Variants in SCAMP1 observed in about 807,000 individuals in gnomAD.
The protein encoded by SCAMP1 is secretory carrier membrane protein 1, also known as secretory carrier-associated membrane protein 1.
A neutral mutation model predicts 41.8 loss-of-function variants in SCAMP1; 15 were observed. The ratio of observed to expected loss-of-function variants is 0.36; its 90% CI spans 0.24 to 0.55. The LOEUF is 0.55. SCAMP1 is among the 20% of genes least tolerant of loss of function. The pLI, the probability that SCAMP1 is intolerant of heterozygous loss-of-function variation, is 0.86. For missense variants in SCAMP1, 341 were observed against 412.6 expected, an observed-to-expected ratio of 0.83 and a Z score of 1.50; for synonymous variants, 135 against 136.8, an observed-to-expected ratio of 0.99 and a Z score of 0.09.
intron 2 of SCAMP1, among the ~76,000 whole-genome samples, chr5:78,397,129 GGCATAGACATGCA>G (rs1418068161): frequency 6.6e-6 from 1 of 152,108 alleles, no homozygotes; most frequent in Non-Finnish European, 1.5e-5. Flanking sequence ...ATATGGTACT[GGCATAGACATGCA>G]AATCAGTGGA....
intron 4 of SCAMP1, among the ~76,000 whole-genome samples, chr5:78,416,947 G>T (rs1277860372): frequency 6.6e-6 from 1 of 152,098 alleles, no homozygotes; most frequent in East Asian, 1.9e-4. Flanking sequence ...CTGCAGTTAG[G>T]CCCTCCTTGG....
chr5:78,394,316 A>C (rs1751590870), intron 2 of SCAMP1, among the ~76,000 whole-genome samples: 1 of 152,154 alleles, frequency 6.6e-6, no homozygotes, highest in Non-Finnish European at 1.5e-5. Flanking sequence ...CAAACCATAT[A>C]ACCTCTTCGA....
chr5:78,465,743 A>G (rs1345651910), intron 8 of SCAMP1, among the ~76,000 whole-genome samples: 1 of 152,176 alleles, frequency 6.6e-6, no homozygotes, highest in Non-Finnish European at 1.5e-5. Flanking sequence ...AAGAATGAAA[A>G]GGTTAATTGC....
chr5:78,360,752 C>G, intron 1 of SCAMP1, 24 bp downstream of exon 1: 1 of 1,597,162 alleles, frequency 6.3e-7, no homozygotes, highest in East Asian at 2.3e-5. Context: ...CCAGCATCTC[C>G]TGCCGCCGCG....
chr5:78,469,470 T>A (rs1190252816), intron 8 of SCAMP1, among the ~76,000 whole-genome samples: 4 of 150,914 alleles, frequency 2.7e-5, no homozygotes, highest in Non-Finnish European at 5.9e-5. Flanking sequence ...CTTAGTATAT[T>A]CACCAAAAAA....
chr5:78,410,636 ATTTATATTCC>A (rs1237228840), intron 2 of SCAMP1, among the ~76,000 whole-genome samples: 1 of 152,122 alleles, frequency 6.6e-6, no homozygotes, highest in Non-Finnish European at 1.5e-5. Flanking sequence ...TAGTAGAATG[ATTTATATTCC>A]TTTGGGTATT....
At chr5:78,423,012 GCGCGCACACACACA>G (rs1364767592) in intron 6 of SCAMP1, among the ~76,000 whole-genome samples, 3,922 of 150,906 alleles carry the variant, frequency 0.026, 145 homozygotes, top group African/African-American at 0.078. Context: ...ACACACGCGC[GCGCGCACACACACA>G]CACACACACA....
chr5:78,470,291 C>T (rs932710641), intron 8 of SCAMP1, among the ~76,000 whole-genome samples: 1 of 152,086 alleles, frequency 6.6e-6, no homozygotes, highest in South Asian at 2.1e-4. Flanking sequence ...CAGAACTTTG[C>T]ATCACCCCAA....
intron 2 of SCAMP1, among the ~76,000 whole-genome samples, chr5:78,392,459 A>G (rs573164618): frequency 4.6e-5 from 7 of 152,358 alleles, no homozygotes; most frequent in Admixed American, 2.0e-4. Flanking sequence ...TCTTTGAAAG[A>G]TTTCTCACCT....
rs779350033 is a variant in SCAMP1 at position 78,459,407 on chromosome 5, A to C, written c.852+45A>C. The C allele has an allele frequency of 3.2e-6, 3 of 937,792 alleles. No individual in the cohort carries two copies. The Admixed American group carries it at 6.6e-5, about 21-fold the overall frequency. The allele number at this position is 937,792 out of a possible 1,614,324, so 58.1% of individuals were successfully genotyped here. On this transcript the variant is annotated intron_variant, in intron 8 of 8. Coordinates refer to ENST00000621999, the MANE Select transcript of SCAMP1 (RefSeq NM_004866.6). ...TAAATTTTTATAGTGAACGTGATGT[A>C]AAGTTCTCATTTTCCTATTTTGCTA...
chr5:78,454,120 G>A lies in SCAMP1; in HGVS notation c.734+4086G>A, dbSNP rs376962537. ...GGTTTTCTAGATATACAATCATGTC[G>A]TCTGCAAACAGGGACAATTTGACTT... is the stretch of plus-strand genomic sequence containing the variant. On this transcript the variant is annotated intron_variant, in intron 7 of 8. Transcript: ENST00000621999. Among the ~76,000 whole-genome samples the A allele has an allele frequency of 3.2e-3, 492 of 152,188 alleles. 13 individuals carry two copies. The South Asian group carries it at 0.073, about 23-fold the overall frequency.
rs59667589 is a variant in SCAMP1 at position 78,443,902 on chromosome 5, C to A, written c.633-6031C>A. On this transcript the variant is annotated intron_variant, in intron 6 of 8. Transcript: ENST00000621999. The stretch of plus-strand genomic sequence containing the variant: ...GAACTCCTGAGCTCAAGCGAACCTC[C>A]CACCTTGGCTCCTAAAGTTCTAGGA... Among the ~76,000 whole-genome samples the A allele has an allele frequency of 7.4e-3, 1,126 of 152,084 alleles. 16 individuals carry two copies. Among genetic ancestry groups the A allele is most frequent in the African/African-American group, 0.025 (1,042 of 41,496 alleles).
At chr5:78,460,812 C>CTTTCTTTCTTT (rs1211929705) in intron 8 of SCAMP1, among the ~76,000 whole-genome samples, 1 of 25,472 alleles carries the variant, frequency 3.9e-5, no homozygotes, top group African/African-American at 9.0e-5. Flanking sequence ...TTCCTCCCTT[C>CTTTCTTTCTTT]CTTCCTTCCT....
intron 6 of SCAMP1, among the ~76,000 whole-genome samples, chr5:78,444,115 G>T (rs1170295731): frequency 6.6e-6 from 1 of 152,154 alleles, no homozygotes; most frequent in Non-Finnish European, 1.5e-5. Context: ...TCTGGAGAAA[G>T]AATTCATTTC....
intron 1 of SCAMP1, among the ~76,000 whole-genome samples, chr5:78,384,236 G>C: frequency 8.2e-6 from 1 of 121,956 alleles, no homozygotes; most frequent in South Asian, 2.7e-4. Context: ...TTGATTCTTA[G>C]ATTGGTTGCT....
intron 1 of SCAMP1, among the ~76,000 whole-genome samples, chr5:78,382,690 T>A (rs1489387366): frequency 6.6e-6 from 1 of 152,172 alleles, no homozygotes; most frequent in Non-Finnish European, 1.5e-5. Context: ...CCTCAGTTAC[T>A]TCACTTAGAA....
intron 1 of SCAMP1, among the ~76,000 whole-genome samples, chr5:78,384,620 G>T (rs565039146): frequency 6.6e-6 from 1 of 151,978 alleles, no homozygotes; most frequent in Non-Finnish European, 1.5e-5. Flanking sequence ...TTACCTTAAG[G>T]TATGTCCCTT....
At chr5:78,422,321 T>G (rs891186547) in intron 6 of SCAMP1, among the ~76,000 whole-genome samples, 59 of 137,572 alleles carry the variant, frequency 4.3e-4, no homozygotes, top group African/African-American at 1.7e-3. Context: ...GCTTATGGTT[T>G]TTTTTTTTTT....
At chr5:78,362,062 A>G (rs1429351586) in intron 1 of SCAMP1, among the ~76,000 whole-genome samples, 1 of 151,888 alleles carries the variant, frequency 6.6e-6, no homozygotes, top group Non-Finnish European at 1.5e-5. Context: ...TGTACCTTTC[A>G]GTGACATGGT....
Sources: allele counts gnomAD v4.1 joint callset (sites outside exome capture counted in the v4.1 genomes callset), GRCh38; gene constraint gnomAD v4.1.1; transcripts MANE v1.5; gene names NCBI Gene and HGNC (gene_info 2026-07-23, HGNC 2026-07-21).